COMMD2: variants seen among roughly 807,000 people sequenced by gnomAD.
The protein encoded by COMMD2 is COMM domain containing 2, also known as COMM domain-containing protein 2.
Under a neutral mutation model 22.5 loss-of-function variants are expected in COMMD2, and 25 were observed. That is an observed-to-expected ratio of 1.11 (90% CI 0.81 to 1.55). The LOEUF (loss-of-function observed/expected upper bound fraction) is 1.55. Among genes scored for constraint, COMMD2 ranks in the 40% most tolerant of loss-of-function variants. The pLI, the probability that COMMD2 is intolerant of heterozygous loss-of-function variation, is 0.00. For synonymous variants in COMMD2, 98 were observed against 91.2 expected, an observed-to-expected ratio of 1.07 and a Z score of -0.42; for missense variants, 223 against 232.9, an observed-to-expected ratio of 0.96 and a Z score of 0.28.
At chr3:149,751,704 T>C (rs904677281) in intron 2 of COMMD2, 2 of 430,974 alleles carry the variant, frequency 4.6e-6, no homozygotes, top group Non-Finnish European at 8.2e-6. Context: ...TGCAGAACTG[T>C]GGAGACTAGT....
At chr3:149,745,317 TAAG>T (rs1262301450) in intron 4 of COMMD2, among the ~76,000 whole-genome samples, 1 of 152,166 alleles carries the variant, frequency 6.6e-6, no homozygotes, top group Non-Finnish European at 1.5e-5. Flanking sequence ...ATAAATAATT[TAAG>T]AAGTCACTTA....
chr3:149,752,319 C>T, intron 1 of COMMD2, 32 bp from the exon 2 acceptor site: 1 of 1,613,760 alleles, frequency 6.2e-7, no homozygotes, highest in Non-Finnish European at 8.5e-7. Context: ...TGTTGAGTGC[C>T]AGGCGCTGCC....
rs750910593 is a variant in COMMD2, at chr3:149,752,459, G to A, written c.-15C>T. The A allele has an allele frequency of 8.7e-6, 14 of 1,609,212 alleles. No homozygotes were observed. Among genetic ancestry groups the A allele is most frequent in the Non-Finnish European group, 8.5e-6 (10 of 1,177,376 alleles). On this transcript the variant is annotated 5_prime_UTR_variant, in exon 1 of 5. Coordinates refer to ENST00000473414, the MANE Select transcript of COMMD2 (RefSeq NM_016094.4). ...TCCAGCAGCATCTTCACTGTCCTAC[G>A]ATTTCACCCGGCAGCGCCGACCCCG...
chr3:149,746,622 A>C lies in COMMD2; in HGVS notation c.402+4056T>G, dbSNP rs866806446. Among the ~76,000 whole-genome samples the C allele has an allele frequency of 5.3e-3, 802 of 151,888 alleles. 8 individuals carry two copies. The highest frequency in any genetic ancestry group is 0.018 in the African/African-American group (730 of 41,478). On this transcript the variant is annotated intron_variant, in intron 4 of 4. Transcript: ENST00000473414. Reference sequence around the variant, plus strand: ...CTGTCTCTACTAAAAATACAAAAAAAAAAAAAAAAAATTAGCCAGGTGTGC... The same window carrying C: ...CTGTCTCTACTAAAAATACAAAAAACAAAAAAAAAAATTAGCCAGGTGTGC...
Position 149,752,067 on chromosome 3 carries a change from G to C in COMMD2, c.145+143C>G, listed in dbSNP as rs998237873. 9.0e-6 allele frequency: 6 copies of C among 664,274 alleles called. No individual in the cohort carries two copies. The African/African-American group carries it at 9.1e-5, about 10-fold the overall frequency. 41.1% of individuals were successfully genotyped at this position (664,274 alleles called of 1,614,324 possible). A position where few individuals can be genotyped will look rare whatever the true frequency, so the allele number is the denominator to read the frequency against. On this transcript the variant is annotated intron_variant, in intron 2 of 4. Transcript: ENST00000473414. ...AAGGGACGGGCAGGATTTGCACCCT[G>C]ACTGAAGAGCTCTGCTGGTTTTATT...
chr3:149,750,430 A>C (rs1215873449), intron 4 of COMMD2: 8 of 531,476 alleles, frequency 1.5e-5, no homozygotes, highest in Non-Finnish European at 2.8e-5. Flanking sequence ...GCACCAACCT[A>C]AAAAATCTAT....
In COMMD2 at chr3:149,739,828, A is replaced by T. The variant is rs1232038624; in HGVS notation, c.*1693T>A. Reference sequence around the variant, plus strand: ...TTATTTCTGATTATAGTTTGCTGACATCTAATAATATAGTTGTTTCACAAC... The same window carrying T: ...TTATTTCTGATTATAGTTTGCTGACTTCTAATAATATAGTTGTTTCACAAC... On this transcript the variant is annotated 3_prime_UTR_variant, in exon 5 of 5. Transcript: ENST00000473414. 1 of 152,202 alleles carries T rather than the reference A, an allele frequency of 6.6e-6. No individual in the cohort carries two copies. The highest frequency in any genetic ancestry group is 1.5e-5 in the Non-Finnish European group (1 of 68,022). The allele number at this position is 152,202 out of a possible 1,614,324, so 9.4% of individuals were successfully genotyped here. A position where few individuals can be genotyped will look rare whatever the true frequency, so the allele number is the denominator to read the frequency against.
intron 4 of COMMD2, among the ~76,000 whole-genome samples, chr3:149,747,531 T>C (rs932330592): frequency 4.6e-5 from 7 of 152,232 alleles, no homozygotes; most frequent in African/African-American, 1.7e-4. Context: ...TAAAAAGCCA[T>C]GACCTTGAGT....
At position 149,744,145 on chromosome 3, in the gene COMMD2, TAAC is replaced by T. The variant is rs199765784; in HGVS notation, c.403-2430_403-2428del. On this transcript the variant is annotated intron_variant, in intron 4 of 4. Coordinates refer to ENST00000473414, the MANE Select transcript of COMMD2 (RefSeq NM_016094.4). ...GATTCTGTCCTCCTCCCTGTAAATA[TAAC>T]AACAATAAAAGCAACTTTAAAATAA... Among the ~76,000 whole-genome samples the T allele has an allele frequency of 6.1e-3, 930 of 152,026 alleles. 6 individuals carry two copies. The highest frequency in any genetic ancestry group is 0.021 in the African/African-American group (879 of 41,466).
intron 4 of COMMD2, among the ~76,000 whole-genome samples, chr3:149,742,425 T>G (rs1291846162): frequency 6.6e-6 from 1 of 152,192 alleles, no homozygotes. Flanking sequence ...TTATATACAT[T>G]TATTCATGAT....
chr3:149,741,403 AC>A lies in COMMD2; in HGVS notation c.*117del. On this transcript the variant is annotated 3_prime_UTR_variant, in exon 5 of 5. Transcript: ENST00000473414. ...ATGACCTCAGTATCTTGGAATAGAT[AC>A]TGAGGAATACTATGTATTTATCATC... 1 of 812,786 alleles carries A rather than the reference AC, an allele frequency of 1.2e-6. No individual in the cohort carries two copies. Among genetic ancestry groups the A allele is most frequent in the Non-Finnish European group, 2.0e-6 (1 of 505,684 alleles). The allele number at this position is 812,786 out of a possible 1,614,324, so 50.3% of individuals were successfully genotyped here.
At chr3:149,745,043 AC>A (rs1224284635) in intron 4 of COMMD2, among the ~76,000 whole-genome samples, 5 of 152,196 alleles carry the variant, frequency 3.3e-5, no homozygotes, top group African/African-American at 1.2e-4. Context: ...AGCCTACTGG[AC>A]CCCAAAAGTC....
intron 4 of COMMD2, among the ~76,000 whole-genome samples, chr3:149,746,130 T>A (rs1035280624): frequency 6.6e-5 from 10 of 152,214 alleles, no homozygotes; most frequent in African/African-American, 2.2e-4. Flanking sequence ...TATCTTGAAC[T>A]GATTAATGCC....
intron 4 of COMMD2, among the ~76,000 whole-genome samples, chr3:149,743,432 A>G (rs564086797): frequency 1.3e-5 from 2 of 152,346 alleles, no homozygotes; most frequent in East Asian, 3.9e-4. Context: ...AGAAGACTAG[A>G]TTCCAACTTG....
intron 4 of COMMD2, among the ~76,000 whole-genome samples, chr3:149,746,022 G>A (rs1039599039): frequency 1.3e-5 from 2 of 152,148 alleles, no homozygotes; most frequent in African/African-American, 4.8e-5. Context: ...ATTCTCATTT[G>A]TGATTTGAAC....
intron 4 of COMMD2, among the ~76,000 whole-genome samples, chr3:149,744,134 C>T (rs1716304452): frequency 6.6e-6 from 1 of 151,892 alleles, no homozygotes; most frequent in Non-Finnish European, 1.5e-5. Context: ...CTGTCCTCCT[C>T]CCTGTAAATA....
Position 149,740,023 on chromosome 3 carries a change from G to C in COMMD2, c.*1498C>G, listed in dbSNP as rs1439903495. ...TGATATGAAAATCCCTAATTCTTAC[G>C]AAGCAAAGTATTGACAAAGTCTAGA... On this transcript the variant is annotated 3_prime_UTR_variant, in exon 5 of 5. Transcript: ENST00000473414. 1 of 152,156 alleles carries C rather than the reference G, an allele frequency of 6.6e-6. No homozygotes were observed. Among genetic ancestry groups the C allele is most frequent in the African/African-American group, 2.4e-5 (1 of 41,454 alleles). 9.4% of individuals were successfully genotyped at this position (152,156 alleles called of 1,614,324 possible).
In COMMD2 at chr3:149,738,941, G is replaced by A. The variant is rs1215969798; in HGVS notation, c.*2580C>T. The A allele has an allele frequency of 1.3e-5, 2 of 152,098 alleles. No individual in the cohort carries two copies. The highest frequency in any genetic ancestry group is 2.9e-5 in the Non-Finnish European group (2 of 68,004). The allele number at this position is 152,098 out of a possible 1,614,324, so 9.4% of individuals were successfully genotyped here. On this transcript the variant is annotated 3_prime_UTR_variant, in exon 5 of 5. Transcript: ENST00000473414. ...AACAAAACAAGCTTGTTGACATTTT[G>A]TGAAACATTTAAGGAGACTTCCAAG...
At chr3:149,747,615 T>C (rs529812844) in intron 4 of COMMD2, among the ~76,000 whole-genome samples, 9 of 152,216 alleles carry the variant, frequency 5.9e-5, no homozygotes, top group Admixed American at 2.6e-4. Flanking sequence ...AGAGAGAATA[T>C]ACAAACAGAG....
Sources: allele counts gnomAD v4.1 joint callset (sites outside exome capture counted in the v4.1 genomes callset), GRCh38; gene constraint gnomAD v4.1.1; transcripts MANE v1.5; gene names NCBI Gene and HGNC (gene_info 2026-07-23, HGNC 2026-07-21).